The following AGAP1 variants were observed in gnomAD, a reference collection of about 807,000 sequenced individuals.
The protein encoded by AGAP1 is ArfGAP with GTPase domain, ankyrin repeat and PH domain 1, also known as arf-GAP with GTPase, ANK repeat and PH domain-containing protein 1.
AGAP1 carries 29 observed loss-of-function variants against 105.3 expected under a neutral mutation model. That is an observed-to-expected ratio of 0.28 (90% confidence interval 0.21 to 0.38). The LOEUF is 0.38. Among genes scored for constraint, AGAP1 ranks in the 10% least tolerant of loss-of-function variants. The pLI is 1.00. For missense variants in AGAP1, 998 were observed against 1,165.1 expected (o/e 0.86, Z 2.09); for synonymous variants, 509 against 485.9 (o/e 1.05, Z -0.63).
rs1947876422 is a variant in AGAP1, at chr2:235,659,362, T to C, written c.164-49817T>C. On this transcript the variant is annotated intron_variant, in intron 1 of 17. Transcript: ENST00000304032. The surrounding 1 kb of genome is among the most constrained non-coding windows in gnomAD (Gnocchi z 5.0). ...ATTAACGTCTGAAGTGCCACAGTGTTGTATCTGAGTGAGTAGCGTCCTCCT... is the reference window on the plus strand; with the variant it reads ...ATTAACGTCTGAAGTGCCACAGTGTCGTATCTGAGTGAGTAGCGTCCTCCT... 6.6e-6 allele frequency among the ~76,000 whole-genome samples: 1 copy of C among 152,224 alleles called. No homozygotes were observed. Among genetic ancestry groups the C allele is most frequent in the Non-Finnish European group, 1.5e-5 (1 of 68,038 alleles).
Position 235,615,044 on chromosome 2 carries a change from A to G in AGAP1, c.164-94135A>G, listed in dbSNP as rs777594485. On this transcript the variant is annotated intron_variant, in intron 1 of 17. Coordinates refer to ENST00000304032, the MANE Select transcript of AGAP1 (RefSeq NM_001037131.3). The surrounding 1 kb of genome is among the most constrained non-coding windows in gnomAD (Gnocchi z 5.0). ...TTTTCCTGGCGGTGTGGTTTTTTAAAATTTCTAATAAAATGCAAATGATTA... is the reference window on the plus strand; with the variant it reads ...TTTTCCTGGCGGTGTGGTTTTTTAAGATTTCTAATAAAATGCAAATGATTA... Among the ~76,000 whole-genome samples the G allele has an allele frequency of 1.3e-5, 2 of 152,168 alleles. No individual in the cohort carries two copies. Among genetic ancestry groups the G allele is most frequent in the Non-Finnish European group, 2.9e-5 (2 of 68,020 alleles).
chr2:235,834,281 T>G (rs999977871), intron 9 of AGAP1, among the ~76,000 whole-genome samples: 1 of 152,174 alleles, frequency 6.6e-6, no homozygotes, highest in Non-Finnish European at 1.5e-5. Flanking sequence ...TTCTTCCGCA[T>G]AGTATGAGGT....
chr2:235,869,582 C>T (rs1007496657), intron 9 of AGAP1, among the ~76,000 whole-genome samples: 1 of 152,166 alleles, frequency 6.6e-6, no homozygotes, highest in Non-Finnish European at 1.5e-5. Flanking sequence ...GCCTGAGCGA[C>T]AGAGCGAGAC....
chr2:235,686,622 T>TATATATATATATATATATATAGAG (rs1949419544), intron 1 of AGAP1, among the ~76,000 whole-genome samples: 1 of 27,584 alleles, frequency 3.6e-5, no homozygotes, highest in Non-Finnish European at 7.5e-5. Flanking sequence ...GAGATATAGA[T>TATATATATATATATATATATAGAG]ATATATATAT....
chr2:236,098,277 T>C (rs780376257), intron 16 of AGAP1, among the ~76,000 whole-genome samples: 1 of 152,252 alleles, frequency 6.6e-6, no homozygotes, highest in Admixed American at 6.5e-5. Context: ...GAACGTTTTA[T>C]TCATTTAAAA....
Position 235,692,354 on chromosome 2 carries a change from A to G in AGAP1, c.164-16825A>G, listed in dbSNP as rs1949774068. Among the ~76,000 whole-genome samples, 1 of 151,972 alleles carries G rather than the reference A, an allele frequency of 6.6e-6. No homozygotes were observed. The highest frequency in any genetic ancestry group is 6.5e-5 in the Admixed American group (1 of 15,268). On this transcript the variant is annotated intron_variant, in intron 1 of 17. Transcript: ENST00000304032. This position sits in a 1 kb window ranked among gnomAD's most constrained non-coding sequence, Gnocchi z 5.8. ...TGCCTTCTCCAGCACTGGGCCGTCC[A>G]CTTTGCTCCTTTGTGCCTGCACTGC... is the stretch of plus-strand genomic sequence containing the variant.
chr2:235,709,057 C>G, intron 1 of AGAP1, 122 bp from the exon 2 acceptor site: 1 of 949,096 alleles, frequency 1.1e-6, no homozygotes, highest in Non-Finnish European at 1.7e-6. Flanking sequence ...GAGAGTGACA[C>G]AGGGAGGCTT....
intron 1 of AGAP1, among the ~76,000 whole-genome samples, chr2:235,628,846 C>T (rs1289626405): frequency 2.6e-5 from 4 of 151,998 alleles, no homozygotes; most frequent in African/African-American, 9.7e-5. Flanking sequence ...TTTTTTGACT[C>T]CGTTACCCAG....
At chr2:235,547,531 G>T (rs973010937) in intron 1 of AGAP1, among the ~76,000 whole-genome samples, 5 of 151,892 alleles carry the variant, frequency 3.3e-5, no homozygotes, top group Non-Finnish European at 7.4e-5. Context: ...GCTAATTTTT[G>T]TATTTTTAGT....
intron 1 of AGAP1, among the ~76,000 whole-genome samples, chr2:235,686,231 G>A (rs997201087): frequency 6.6e-6 from 1 of 152,052 alleles, no homozygotes; most frequent in African/African-American, 2.4e-5. Flanking sequence ...CCTGCTGTAC[G>A]GGGCACCCGC....
chr2:236,071,343 T>A (rs2058489804), intron 16 of AGAP1, among the ~76,000 whole-genome samples: 1 of 152,178 alleles, frequency 6.6e-6, no homozygotes, highest in Non-Finnish European at 1.5e-5. Flanking sequence ...GATGGCTTCC[T>A]GCTGAGCACC....
chr2:235,836,896 T>G (rs1274476259), intron 9 of AGAP1, among the ~76,000 whole-genome samples: 1 of 152,122 alleles, frequency 6.6e-6, no homozygotes, highest in Non-Finnish European at 1.5e-5. Flanking sequence ...CAGTTAACTT[T>G]CTAGGTGATT....
rs140573474 is a variant in AGAP1 at position 236,042,900 on chromosome 2, G to T, written c.1891+2059G>T. 0.012 allele frequency among the ~76,000 whole-genome samples: 1,891 copies of T among 152,324 alleles called. 30 individuals are homozygous for T. Among genetic ancestry groups the T allele is most frequent in the Non-Finnish European group, 0.02 (1,337 of 68,026 alleles). On this transcript the variant is annotated intron_variant, in intron 15 of 17. Coordinates refer to ENST00000304032, the MANE Select transcript of AGAP1 (RefSeq NM_001037131.3). This position sits in a 1 kb window ranked among gnomAD's most constrained non-coding sequence, Gnocchi z 5.6. ...AGCCCGGTGCCAAACCCTCCCATGC[G>T]CTGTCTTTTCATTCTGCAACCCTAG... is the stretch of plus-strand genomic sequence containing the variant.
Position 235,958,667 on chromosome 2 carries a change from C to T in AGAP1, c.1484-9795C>T. 6.6e-6 allele frequency among the ~76,000 whole-genome samples: 1 copy of T among 152,148 alleles called. No individual in the cohort carries two copies. The highest frequency in any genetic ancestry group is 1.9e-4 in the East Asian group (1 of 5,178). On this transcript the variant is annotated intron_variant, in intron 12 of 17. Coordinates refer to ENST00000304032, the MANE Select transcript of AGAP1 (RefSeq NM_001037131.3). The surrounding 1 kb of genome is among the most constrained non-coding windows in gnomAD (Gnocchi z 4.1). Reference sequence around the variant, plus strand: ...CATCTTGTCAGCAGAGATAAGTTGTCACGTTTTCCACTTGAGCTGAAACTA... The same window carrying T: ...CATCTTGTCAGCAGAGATAAGTTGTTACGTTTTCCACTTGAGCTGAAACTA...
In AGAP1 at chr2:235,988,415, G is replaced by A. The variant is rs1340174465; in HGVS notation, c.1645+19792G>A. ...CTGCTGCCATGAATCAGTCGCACCTGCTTCAGATACTACTCAGAATTTCTT... is the reference window on the plus strand; with the variant it reads ...CTGCTGCCATGAATCAGTCGCACCTACTTCAGATACTACTCAGAATTTCTT... On this transcript the variant is annotated intron_variant, in intron 13 of 17. Coordinates refer to ENST00000304032, the MANE Select transcript of AGAP1 (RefSeq NM_001037131.3). The surrounding 1 kb of genome is among the most constrained non-coding windows in gnomAD (Gnocchi z 4.7). Among the ~76,000 whole-genome samples, 1 of 152,120 alleles carries A rather than the reference G, an allele frequency of 6.6e-6. No homozygotes were observed. The highest frequency in any genetic ancestry group is 1.5e-5 in the Non-Finnish European group (1 of 68,034).
At chr2:235,804,197 G>A (rs1251631718) in intron 8 of AGAP1, among the ~76,000 whole-genome samples, 2 of 152,166 alleles carry the variant, frequency 1.3e-5, no homozygotes, top group Non-Finnish European at 2.9e-5. Flanking sequence ...TATATTATCT[G>A]TGTCCATGCT....
At chr2:236,052,941 T>C (rs1464927203) in intron 16 of AGAP1, among the ~76,000 whole-genome samples, 1 of 152,048 alleles carries the variant, frequency 6.6e-6, no homozygotes, top group Non-Finnish European at 1.5e-5. Context: ...GATGTTGAAG[T>C]GGTGGTGAAG....
intron 1 of AGAP1, among the ~76,000 whole-genome samples, chr2:235,504,731 C>G (rs896783489): frequency 2.0e-5 from 3 of 152,202 alleles, no homozygotes; most frequent in Non-Finnish European, 4.4e-5. Flanking sequence ...TCAGTGCTTT[C>G]AAGGTTCATT....
rs956615582 is a variant in AGAP1, at chr2:235,596,176, A to G, written c.163+101327A>G. ...TCAAGTCTAAGTGGCACAGCTATCC[A>G]TGAACACTGTAAACATTCCCAGCTC... On this transcript the variant is annotated intron_variant, in intron 1 of 17. Coordinates refer to ENST00000304032, the MANE Select transcript of AGAP1 (RefSeq NM_001037131.3). This position sits in a 1 kb window ranked among gnomAD's most constrained non-coding sequence, Gnocchi z 5.9. Among the ~76,000 whole-genome samples the G allele has an allele frequency of 2.0e-5, 3 of 152,238 alleles. No individual in the cohort carries two copies. Among genetic ancestry groups the G allele is most frequent in the Non-Finnish European group, 2.9e-5 (2 of 68,034 alleles).
Sources: allele counts gnomAD v4.1 joint callset (sites outside exome capture counted in the v4.1 genomes callset), GRCh38; gene constraint gnomAD v4.1.1; non-coding constraint Gnocchi (gnomAD v3.1); transcripts MANE v1.5; gene names NCBI Gene and HGNC (gene_info 2026-07-23, HGNC 2026-07-21).